HTD2: variants seen among roughly 807,000 people sequenced by gnomAD.
The protein encoded by HTD2 is hydroxyacyl-thioester dehydratase type 2.
HTD2 carries 1 observed loss-of-function variant against 3.1 expected under a neutral mutation model. That is an observed-to-expected ratio of 0.32 (90% confidence interval 0.11 to 1.52). HTD2 has a LOEUF of 1.52. Among genes scored for constraint, HTD2 ranks in the 40% most tolerant of loss-of-function variants. The pLI is 0.39. For missense variants in HTD2, 150 were observed against 79.6 expected (o/e 1.88, Z -3.36); for synonymous variants, 50 against 28.9 (o/e 1.73, Z -2.34).
At chr3:58,314,116 C>A (rs1464929080) in intron 2 of HTD2, among the ~76,000 whole-genome samples, 1 of 151,900 alleles carries the variant, frequency 6.6e-6, no homozygotes, top group African/African-American at 2.4e-5. Context: ...TTTGGGAGGC[C>A]GAGGTGGGTT....
chr3:58,318,159 T>G lies in HTD2; in HGVS notation c.*39T>G. Reference sequence around the variant, plus strand: ...AAGATGCAACCTCAAACACCAATGCTGTTGTTAAAGAGCCTATGGGGAATT... The same window carrying G: ...AAGATGCAACCTCAAACACCAATGCGGTTGTTAAAGAGCCTATGGGGAATT... On this transcript the variant is annotated 3_prime_UTR_variant, in exon 5 of 5. Coordinates refer to ENST00000461393, the MANE Select transcript of HTD2 (RefSeq NM_001348712.2). The G allele has an allele frequency of 3.3e-6, 2 of 614,930 alleles. No individual in the cohort carries two copies. The highest frequency in any genetic ancestry group is 2.0e-5 in the South Asian group (1 of 50,804). The allele number at this position is 614,930 out of a possible 1,614,324, so 38.1% of individuals were successfully genotyped here.
chr3:58,308,767 G>A (rs2097478580), intron 1 of HTD2, among the ~76,000 whole-genome samples: 2 of 151,292 alleles, frequency 1.3e-5, no homozygotes, highest in Admixed American at 1.3e-4. Context: ...CTGTAGTGGG[G>A]GATCCATATA....
intron 2 of HTD2, among the ~76,000 whole-genome samples, chr3:58,314,939 C>T (rs562720883): frequency 2.6e-5 from 4 of 152,206 alleles, no homozygotes; most frequent in East Asian, 1.9e-4. Flanking sequence ...CCTGCCTTGG[C>T]CTCCCAAAGT....
intron 1 of HTD2, chr3:58,310,025 C>A: frequency 3.1e-6 from 1 of 322,786 alleles, no homozygotes; most frequent in Non-Finnish European, 5.8e-6. Flanking sequence ...CATGGTGAAA[C>A]CCTGTCTCTA....
chr3:58,307,085 C>T (rs1211787660), intron 1 of HTD2, among the ~76,000 whole-genome samples: 1 of 152,070 alleles, frequency 6.6e-6, no homozygotes, highest in Non-Finnish European at 1.5e-5. Flanking sequence ...AAGCTAGAGC[C>T]GAGGCCCAGC....
At chr3:58,307,501 G>A in intron 1 of HTD2, among the ~76,000 whole-genome samples, 1 of 152,174 alleles carries the variant, frequency 6.6e-6, no homozygotes, top group East Asian at 1.9e-4. Context: ...GAGGTCGGCG[G>A]ATCACTTGAC....
chr3:58,314,512 G>A (rs564897390), intron 2 of HTD2, among the ~76,000 whole-genome samples: 50 of 152,190 alleles, frequency 3.3e-4, no homozygotes, highest in Middle Eastern at 3.4e-3. Flanking sequence ...TTAGGGAAAT[G>A]CACATTAATG....
At chr3:58,310,134 G>C in intron 1 of HTD2, 1 of 577,820 alleles carries the variant, frequency 1.7e-6, no homozygotes, top group East Asian at 2.9e-5. Flanking sequence ...TCGAGAGCCA[G>C]AGGTGGAGGC....
Position 58,310,564 on chromosome 3 carries a change from T to C in HTD2, c.-358T>C, listed in dbSNP as rs751391225. ...CTGCACAGTTCAAACAGCTGCTTAT[T>C]TCGGCTGTGAAGGACCTGTTTGGGG... On this transcript the variant is annotated 5_prime_UTR_variant, in exon 2 of 5. Coordinates refer to ENST00000461393, the MANE Select transcript of HTD2 (RefSeq NM_001348712.2). The C allele has an allele frequency of 1.9e-6, 3 of 1,613,282 alleles. No homozygotes were observed. The highest frequency in any genetic ancestry group is 2.5e-6 in the Non-Finnish European group (3 of 1,179,704).
intron 1 of HTD2, among the ~76,000 whole-genome samples, chr3:58,309,613 C>T (rs998437182): frequency 3.9e-5 from 6 of 152,152 alleles, no homozygotes; most frequent in African/African-American, 7.2e-5. Context: ...AACAGGAGGC[C>T]AGGCACAGTG....
At position 58,310,628 on chromosome 3, in the gene HTD2, T is replaced by C. The variant is rs540714905; in HGVS notation, c.-331+37T>C. 5.8e-6 allele frequency: 9 copies of C among 1,554,802 alleles called. No homozygotes were observed. The African/African-American group carries it at 9.7e-5, about 17-fold the overall frequency. On this transcript the variant is annotated intron_variant, in intron 2 of 4. Transcript: ENST00000461393. ...CTTGGTAGATTGAACATTCCAAAGA[T>C]CTTTGTAAGAAATACAGAAAGAGGC...
At chr3:58,315,230 GAC>G (rs1322289998) in intron 2 of HTD2, among the ~76,000 whole-genome samples, 9 of 152,196 alleles carry the variant, frequency 5.9e-5, no homozygotes, top group African/African-American at 1.9e-4. Flanking sequence ...GACCTATTTA[GAC>G]ACAATATGAA....
chr3:58,311,959 A>C (rs550386005), intron 2 of HTD2, among the ~76,000 whole-genome samples: 1 of 151,814 alleles, frequency 6.6e-6, no homozygotes, highest in Non-Finnish European at 1.5e-5. Context: ...TACAGCCTCA[A>C]CCTCCCAAGC....
At chr3:58,316,721 G>A (rs1028900001) in intron 3 of HTD2, 130 bp downstream of exon 3, 18 of 917,952 alleles carry the variant, frequency 2.0e-5, no homozygotes, top group Non-Finnish European at 2.9e-5. Context: ...ATTTAAACTG[G>A]GATGAATATG....
chr3:58,309,687 C>T (rs1047724298), intron 1 of HTD2, among the ~76,000 whole-genome samples: 6 of 152,140 alleles, frequency 3.9e-5, no homozygotes, highest in African/African-American at 9.6e-5. Context: ...GTCAGGAGTT[C>T]GAGACCAGCC....
chr3:58,310,274 C>T (rs910091813), intron 1 of HTD2: 2 of 1,478,468 alleles, frequency 1.4e-6, no homozygotes, highest in African/African-American at 2.8e-5. Flanking sequence ...ATAGCATGTG[C>T]ATTGGTCATT....
intron 3 of HTD2, 130 bp from the exon 4 acceptor site, chr3:58,316,785 G>T (rs1385076249): frequency 9.9e-6 from 9 of 909,788 alleles, no homozygotes; most frequent in Non-Finnish European, 1.4e-5. Context: ...TTACGATTTG[G>T]TTACAGCTGT....
At chr3:58,312,631 A>G (rs2107504151) in intron 2 of HTD2, among the ~76,000 whole-genome samples, 1 of 152,188 alleles carries the variant, frequency 6.6e-6, no homozygotes, top group South Asian at 2.1e-4. Context: ...TCTTGAAGAG[A>G]TAAGGAATTT....
upstream of HTD2, chr3:58,306,393 G>A (rs2097474541): frequency 6.6e-6 from 1 of 152,334 alleles, no homozygotes; most frequent in Non-Finnish European, 1.5e-5. Context: ...CTGGTCAGGC[G>A]TCAGGCTAGT....
Sources: gnomAD v4.1 joint callset for allele counts (sites outside exome capture counted in the v4.1 genomes callset) on GRCh38, gnomAD v4.1.1 for gene constraint, MANE v1.5 for transcripts, NCBI Gene and HGNC (gene_info 2026-07-23, HGNC 2026-07-21) for gene names.